The following TLK1 variants were observed in gnomAD, a reference collection of about 807,000 sequenced individuals.
TLK1 encodes the protein tousled like kinase 1, also known as serine/threonine-protein kinase tousled-like 1.
A neutral mutation model predicts 105.3 loss-of-function variants in TLK1; 24 were observed. The ratio of observed to expected loss-of-function variants is 0.23; its 90% CI spans 0.17 to 0.32. The LOEUF is 0.32. TLK1 is among the 10% of genes least tolerant of loss of function. TLK1 has a pLI of 1.00. For synonymous variants in TLK1, 321 were observed against 310.4 expected, an observed-to-expected ratio of 1.03 and a Z score of -0.36; for missense variants, 558 against 910.5, an observed-to-expected ratio of 0.61 and a Z score of 4.98.
intron 11 of TLK1, among the ~76,000 whole-genome samples, chr2:171,041,079 A>G (rs1323870169): frequency 6.6e-6 from 1 of 152,226 alleles, no homozygotes; most frequent in Admixed American, 6.5e-5. Flanking sequence ...AAAATGTATT[A>G]GTAAAGGAAA....
intron 4 of TLK1, 58 bp from the exon 5 acceptor site, chr2:171,058,255 T>TA (rs1340327805): frequency 9.4e-6 from 14 of 1,484,276 alleles, no homozygotes; most frequent in Non-Finnish European, 1.2e-5. Flanking sequence ...AAAAAAATAT[T>TA]AAGAGTCCGC....
chr2:171,053,394 C>T (rs1687337283), intron 8 of TLK1, among the ~76,000 whole-genome samples: 1 of 151,662 alleles, frequency 6.6e-6, no homozygotes, highest in South Asian at 2.1e-4. Context: ...GACAGAGTCT[C>T]ACTCTGTCGC....
chr2:171,147,725 G>C (rs979229633), intron 1 of TLK1, among the ~76,000 whole-genome samples: 2 of 152,196 alleles, frequency 1.3e-5, no homozygotes, highest in Non-Finnish European at 2.9e-5. Flanking sequence ...GTAGCTCACA[G>C]ATGTAGATTT....
chr2:171,197,680 G>A (rs1386134057), intron 1 of TLK1, among the ~76,000 whole-genome samples: 1 of 152,118 alleles, frequency 6.6e-6, no homozygotes, highest in Non-Finnish European at 1.5e-5. Context: ...TCAGGAGGCC[G>A]AGGCAAGAGA....
At chr2:171,180,242 C>T (rs1020382220) in intron 1 of TLK1, among the ~76,000 whole-genome samples, 2 of 151,912 alleles carry the variant, frequency 1.3e-5, no homozygotes, top group African/African-American at 2.4e-5. Flanking sequence ...AATTGCCCCC[C>T]GGGTCCCTGC....
At chr2:171,219,334 G>C (rs958556229) in intron 1 of TLK1, among the ~76,000 whole-genome samples, 1 of 152,164 alleles carries the variant, frequency 6.6e-6, no homozygotes, top group African/African-American at 2.4e-5. Flanking sequence ...TGCCTCTGTG[G>C]TCACATTGCC....
chr2:171,028,930 G>A (rs927442267), intron 11 of TLK1, among the ~76,000 whole-genome samples: 5 of 128,116 alleles, frequency 3.9e-5, no homozygotes, highest in African/African-American at 1.5e-4. Flanking sequence ...ATGTTAATTT[G>A]GACTGGGTGT....
Position 171,081,597 on chromosome 2 carries a change from A to G in TLK1, c.330+1184T>C, listed in dbSNP as rs113576656. 925 of 1,259,672 alleles carry G rather than the reference A, an allele frequency of 7.3e-4. 9 individuals are homozygous for G. The African/African-American group carries it at 0.012, about 17-fold the overall frequency. The allele number at this position is 1,259,672 out of a possible 1,614,324, so 78.0% of individuals were successfully genotyped here. A position where few individuals can be genotyped will look rare whatever the true frequency, so the allele number is the denominator to read the frequency against. On this transcript the variant is annotated intron_variant, in intron 3 of 20. Transcript: ENST00000431350. ...GTATAAGTATGTTAATTTTTTAAAAACTAAACTGATAATCTGATGCTACAG... is the reference window on the plus strand; with the variant it reads ...GTATAAGTATGTTAATTTTTTAAAAGCTAAACTGATAATCTGATGCTACAG...
chr2:171,000,558 AT>A (rs1684314743), intron 18 of TLK1, among the ~76,000 whole-genome samples: 1 of 152,074 alleles, frequency 6.6e-6, no homozygotes, highest in Admixed American at 6.6e-5. Flanking sequence ...GAAAATCACT[AT>A]TCATTAAGTG....
At chr2:171,053,582 TG>T in intron 8 of TLK1, 178 bp downstream of exon 8, 1 of 448,342 alleles carries the variant, frequency 2.2e-6, no homozygotes, top group Non-Finnish European at 4.0e-6. Flanking sequence ...AGGATGCTCT[TG>T]ATCTCTCAAC....
chr2:171,116,670 AGCCTGG>A (rs1690444435), intron 2 of TLK1, among the ~76,000 whole-genome samples: 1 of 151,040 alleles, frequency 6.6e-6, no homozygotes, highest in Admixed American at 6.6e-5. Context: ...ACTGCACTCC[AGCCTGG>A]GCGACAAAGT....
chr2:171,109,023 T>G (rs1344218191), intron 2 of TLK1, among the ~76,000 whole-genome samples: 1 of 152,124 alleles, frequency 6.6e-6, no homozygotes, highest in Non-Finnish European at 1.5e-5. Flanking sequence ...GAACAAGAGA[T>G]ACACATGTAA....
intron 1 of TLK1, among the ~76,000 whole-genome samples, chr2:171,183,712 T>C (rs191229626): frequency 1.8e-3 from 273 of 152,310 alleles, no homozygotes; most frequent in Admixed American, 3.4e-3. Flanking sequence ...TTGATGACCA[T>C]TGGGTTTCTT....
intron 2 of TLK1, among the ~76,000 whole-genome samples, chr2:171,087,314 A>G (rs998078211): frequency 2.0e-5 from 3 of 152,214 alleles, no homozygotes; most frequent in African/African-American, 7.2e-5. Context: ...AAAACCGTAA[A>G]AAGAGCTGAA....
At chr2:171,185,708 A>G (rs1043117050) in intron 1 of TLK1, among the ~76,000 whole-genome samples, 1 of 152,226 alleles carries the variant, frequency 6.6e-6, no homozygotes, top group Non-Finnish European at 1.5e-5. Flanking sequence ...GTACTCCCAT[A>G]GCAGCACAAA....
At chr2:171,135,105 A>T (rs1053565778) in intron 1 of TLK1, among the ~76,000 whole-genome samples, 3 of 152,114 alleles carry the variant, frequency 2.0e-5, no homozygotes, top group Non-Finnish European at 4.4e-5. Context: ...TGGTCAAAGG[A>T]CACAAAGTTT....
At chr2:171,060,923 G>A (rs1687720355) in intron 4 of TLK1, among the ~76,000 whole-genome samples, 158 bp downstream of exon 4, 1 of 152,136 alleles carries the variant, frequency 6.6e-6, no homozygotes, top group African/African-American at 2.4e-5. Flanking sequence ...GGGCAACATT[G>A]AAAAGCCTAA....
intron 11 of TLK1, among the ~76,000 whole-genome samples, chr2:171,034,518 C>T (rs749931067): frequency 1.3e-5 from 2 of 152,086 alleles, no homozygotes; most frequent in African/African-American, 4.8e-5. Context: ...ATTTTATATA[C>T]AACATTCAGA....
At chr2:171,144,421 G>A (rs749110039) in intron 1 of TLK1, among the ~76,000 whole-genome samples, 5 of 152,076 alleles carry the variant, frequency 3.3e-5, no homozygotes, top group Admixed American at 2.6e-4. Flanking sequence ...ATCTATGCTA[G>A]ACCATAAAAC....
Sources: gnomAD v4.1 joint callset for allele counts (sites outside exome capture counted in the v4.1 genomes callset) on GRCh38, gnomAD v4.1.1 for gene constraint, MANE v1.5 for transcripts, NCBI Gene and HGNC (gene_info 2026-07-23, HGNC 2026-07-21) for gene names.